PITRM1: variants seen among roughly 807,000 people sequenced by gnomAD.
PITRM1 encodes presequence protease, mitochondrial.
A neutral mutation model predicts 129.9 loss-of-function variants in PITRM1; 100 were observed. The ratio of observed to expected loss-of-function variants is 0.77; its 90% CI spans 0.65 to 0.91. PITRM1 has a LOEUF of 0.91. Ranked by LOEUF, PITRM1 falls within the 40% of genes least tolerant of loss-of-function variation. PITRM1 has a pLI of 0.00. For synonymous variants in PITRM1, 591 were observed against 508.8 expected, an observed-to-expected ratio of 1.16 and a Z score of -2.17; for missense variants, 1,471 against 1,318.3, an observed-to-expected ratio of 1.12 and a Z score of -1.79.
At chr10:3,143,736 C>T (rs1231367456) in intron 22 of PITRM1, 2 of 699,272 alleles carry the variant, frequency 2.9e-6, no homozygotes, top group Non-Finnish European at 5.3e-6. Flanking sequence ...GTAAAACTGA[C>T]ATGAAGTCCT....
intron 24 of PITRM1, 118 bp from the exon 25 acceptor site, chr10:3,139,167 T>TG: frequency 1.2e-6 from 1 of 858,262 alleles, no homozygotes; most frequent in African/African-American, 1.7e-5. Context: ...ATTTTATATC[T>TG]GATTTAGTCC....
Position 3,170,194 on chromosome 10 carries a change from G to A in PITRM1, c.69C>T (p.His23=). The part of the protein sequence containing the change: ...LRRLSGGHAH[H]RAWRWNSNRA... ...GGTTACTGTTCCATCGCCACGCTCTGTGGTGTGCATGTCTAGATTAAAAGT... is the reference window on the plus strand; with the variant it reads ...GGTTACTGTTCCATCGCCACGCTCTATGGTGTGCATGTCTAGATTAAAAGT... The change falls in exon 2 of 27, where the codon CAC becomes CAT. Residue 23 remains histidine (H), a synonymous_variant. Coordinates refer to ENST00000224949, the MANE Select transcript of PITRM1 (RefSeq NM_014889.4). 1 of 1,613,680 alleles carries A rather than the reference G, an allele frequency of 6.2e-7. No individual in the cohort carries two copies. The highest frequency in any genetic ancestry group is 8.5e-7 in the Non-Finnish European group (1 of 1,179,596).
intron 23 of PITRM1, among the ~76,000 whole-genome samples, chr10:3,142,526 G>A (rs749706234): frequency 9.2e-5 from 14 of 152,232 alleles, no homozygotes; most frequent in East Asian, 1.9e-4. Flanking sequence ...CCCAACTGAC[G>A]GGTCCCCAAA....
intron 7 of PITRM1, among the ~76,000 whole-genome samples, chr10:3,161,475 C>T (rs1842436000): frequency 6.6e-6 from 1 of 152,194 alleles, no homozygotes; most frequent in Non-Finnish European, 1.5e-5. Context: ...ACAGAACCTT[C>T]AGAAATTTCT....
chr10:3,172,006 C>G (rs928666464), intron 1 of PITRM1, among the ~76,000 whole-genome samples: 3 of 152,220 alleles, frequency 2.0e-5, no homozygotes, highest in African/African-American at 4.8e-5. Context: ...TGAAGATATG[C>G]TATAACCAAC....
Position 3,155,573 on chromosome 10 carries a change from C to G in PITRM1, c.1621+18G>C. 6.2e-7 allele frequency: 1 copy of G among 1,613,574 alleles called. No individual in the cohort carries two copies. The highest frequency in any genetic ancestry group is 1.1e-5 in the South Asian group (1 of 91,026). On this transcript the variant is annotated intron_variant, in intron 14 of 26. Coordinates refer to ENST00000224949, the MANE Select transcript of PITRM1 (RefSeq NM_014889.4). ...AGTGCAGGTTAGGGACTCGCCAGCT[C>G]GGAAGGAAGCCTCTGACCTTTCTCG...
intron 20 of PITRM1, chr10:3,146,319 A>AT: frequency 6.5e-6 from 1 of 153,242 alleles, no homozygotes; most frequent in East Asian, 1.9e-4. Flanking sequence ...CATTATATTA[A>AT]TACTAACTAT....
intron 7 of PITRM1, among the ~76,000 whole-genome samples, chr10:3,161,340 G>A (rs986960127): frequency 6.6e-6 from 1 of 152,160 alleles, no homozygotes; most frequent in African/African-American, 2.4e-5. Flanking sequence ...CAAATTCAAG[G>A]TTATACACGT....
chr10:3,160,141 C>T, intron 8 of PITRM1, 63 bp downstream of exon 8: 1 of 1,554,894 alleles, frequency 6.4e-7, no homozygotes. Context: ...TCATCAATAC[C>T]CAGTCCAAGT....
chr10:3,172,817 C>G (rs764828154), upstream of PITRM1: 8 of 1,525,064 alleles, frequency 5.2e-6, no homozygotes, highest in African/African-American at 2.8e-5. Flanking sequence ...CCTCTTAACC[C>G]GACGCAGGGC....
At chr10:3,168,515 CTTGAA>C (rs1297126213) in intron 2 of PITRM1, among the ~76,000 whole-genome samples, 27 of 151,890 alleles carry the variant, frequency 1.8e-4, no homozygotes, top group Middle Eastern at 3.4e-3. Flanking sequence ...CAAATCTCAT[CTTGAA>C]TTGTAGTTTC....
At chr10:3,158,606 C>G (rs192351254) in intron 10 of PITRM1, among the ~76,000 whole-genome samples, 19 of 152,266 alleles carry the variant, frequency 1.2e-4, no homozygotes, top group Middle Eastern at 3.4e-3. Context: ...GCATGACATT[C>G]TGAGGCCCTG....
At position 3,154,288 on chromosome 10, in the gene PITRM1, C is replaced by T. The variant is rs76666250; in HGVS notation, c.1621+1303G>A. Among the ~76,000 whole-genome samples, 74 of 152,304 alleles carry T rather than the reference C, an allele frequency of 4.9e-4. No individual in the cohort carries two copies. In the East Asian group the frequency reaches 0.012, roughly 24 times the overall value. ...AATCTGGGTTGTTTCAAGCTTTGTG[C>T]GGACGCCTGTTTTCATTTCTCTTGA... On this transcript the variant is annotated intron_variant, in intron 14 of 26. Transcript: ENST00000224949.
rs1463496480 is a variant in PITRM1, at chr10:3,165,228, G to A, written c.630+10C>T. On this transcript the variant is annotated intron_variant, in intron 6 of 26. Transcript: ENST00000224949. Reference sequence around the variant, plus strand: ...AGCTGAACACAACATAAAAAAGGAAGAAAACTTACAAACGCTCCCTTCATC... The same window carrying A: ...AGCTGAACACAACATAAAAAAGGAAAAAAACTTACAAACGCTCCCTTCATC... 1 of 1,538,776 alleles carries A rather than the reference G, an allele frequency of 6.5e-7. No individual in the cohort carries two copies. The highest frequency in any genetic ancestry group is 8.7e-7 in the Non-Finnish European group (1 of 1,143,140).
At chr10:3,138,699 G>C (rs1839860781) in intron 25 of PITRM1, 2 of 692,428 alleles carry the variant, frequency 2.9e-6, no homozygotes, top group East Asian at 2.6e-5. Context: ...TGGGTCTCAG[G>C]TCAGTAAAAC....
chr10:3,168,661 C>T (rs1258460835), intron 2 of PITRM1, among the ~76,000 whole-genome samples: 1 of 152,108 alleles, frequency 6.6e-6, no homozygotes, highest in African/African-American at 2.4e-5. Flanking sequence ...GGGGCTTCCC[C>T]CTTCACTTGA....
intron 15 of PITRM1, 140 bp from the exon 16 acceptor site, chr10:3,149,893 A>G (rs779741665): frequency 1.1e-6 from 1 of 911,046 alleles, no homozygotes; most frequent in Non-Finnish European, 1.7e-6. Context: ...AAATTTCCCA[A>G]TCATATTTTC....
chr10:3,156,683 G>T (rs1842008443), intron 13 of PITRM1, among the ~76,000 whole-genome samples: 1 of 148,352 alleles, frequency 6.7e-6, no homozygotes, highest in South Asian at 2.1e-4. Context: ...CAGATGTTTT[G>T]TTCATACACA....
Position 3,165,285 on chromosome 10 carries a change from G to A in PITRM1, c.583C>T (p.Pro195Ser), listed in dbSNP as rs751886851. The A allele has an allele frequency of 7.6e-6, 12 of 1,586,468 alleles. No homozygotes were observed. Among genetic ancestry groups the A allele is most frequent in the Non-Finnish European group, 9.4e-6 (11 of 1,166,616 alleles). ...AAGACGACTCCTTTAAAGACCAAGG[G>A]CGTCTGGGGGTCGCTCGGATTCTCA... ...EHENPSDPQTPLVFKGVVFNE... is the reference protein window; with the variant it reads ...EHENPSDPQTSLVFKGVVFNE... Residue 195 changes from proline (P) to serine (S), a missense_variant, in exon 6 of 27, where the codon CCC (proline) becomes TCC (serine). Physicochemically the swap from Pro to Ser is moderately conservative, Grantham distance 74. Coordinates refer to ENST00000224949, the MANE Select transcript of PITRM1 (RefSeq NM_014889.4).
Sources: gnomAD v4.1 joint callset for allele counts (sites outside exome capture counted in the v4.1 genomes callset) on GRCh38, gnomAD v4.1.1 for gene constraint, MANE v1.5 for transcripts, NCBI Gene and HGNC (gene_info 2026-07-23, HGNC 2026-07-21) for gene names.